Variants in SNX8 observed in about 807,000 individuals in gnomAD.
SNX8 encodes the protein sorting nexin-8.
SNX8 carries 25 observed loss-of-function variants against 51.6 expected under a neutral mutation model. That is an observed-to-expected ratio of 0.48 (90% CI 0.35 to 0.68). The LOEUF is 0.68. Ranked by LOEUF, SNX8 falls within the 30% of genes least tolerant of loss-of-function variation. The pLI is 0.00. For synonymous variants in SNX8, 324 were observed against 277.0 expected (o/e 1.17, Z -1.68); for missense variants, 695 against 624.0 (o/e 1.11, Z -1.21).
chr7:2,282,763 G>A (rs1205906056), intron 1 of SNX8, among the ~76,000 whole-genome samples: 2 of 151,882 alleles, frequency 1.3e-5, no homozygotes, highest in African/African-American at 4.8e-5. Flanking sequence ...GATCACCTAA[G>A]GTCAGGAGTT....
intron 1 of SNX8, among the ~76,000 whole-genome samples, chr7:2,278,608 G>C (rs924504003): frequency 6.8e-6 from 1 of 146,120 alleles, no homozygotes. Flanking sequence ...ACACTACGGA[G>C]TCGACGCCGG....
At position 2,253,871 on chromosome 7, in the gene SNX8, C is replaced by A. The variant is rs1253206788; in HGVS notation, c.*1185G>T. ...GTGAGCATCTGCGGAGCGGAGGGAC[C>A]TCGGAAACCCTGGAGCCCGGCGGGC... On this transcript the variant is annotated 3_prime_UTR_variant, in exon 11 of 11. Transcript: ENST00000222990. 6.6e-6 allele frequency: 1 copy of A among 152,330 alleles called. No individual in the cohort carries two copies. Among genetic ancestry groups the A allele is most frequent in the Non-Finnish European group, 1.5e-5 (1 of 68,150 alleles). 9.4% of individuals were successfully genotyped at this position (152,330 alleles called of 1,614,324 possible). A position where few individuals can be genotyped will look rare whatever the true frequency, so the allele number is the denominator to read the frequency against.
chr7:2,343,594 A>G (rs903559974), intron 1 of SNX8, among the ~76,000 whole-genome samples: 8 of 151,738 alleles, frequency 5.3e-5, no homozygotes, highest in South Asian at 4.2e-4. Context: ...AGAATGGCGT[A>G]AACCCGGGAG....
intron 1 of SNX8, among the ~76,000 whole-genome samples, chr7:2,313,718 C>T (rs1796705319): frequency 1.3e-5 from 2 of 152,028 alleles, no homozygotes; most frequent in South Asian, 4.1e-4. Context: ...AAAAAATTAC[C>T]GGGCGTAACT....
At chr7:2,352,831 G>A (rs573969179) in intron 1 of SNX8, among the ~76,000 whole-genome samples, 4 of 151,170 alleles carry the variant, frequency 2.6e-5, no homozygotes, top group East Asian at 1.9e-4. Context: ...GCAACACTCC[G>A]TCTAAATAAA....
chr7:2,282,238 A>G (rs1795923467), intron 1 of SNX8, among the ~76,000 whole-genome samples: 1 of 152,304 alleles, frequency 6.6e-6, no homozygotes, highest in African/African-American at 2.4e-5. Flanking sequence ...CCTCTCAGCA[A>G]GTTTTCGGTG....
intron 5 of SNX8, among the ~76,000 whole-genome samples, 173 bp downstream of exon 5, chr7:2,269,385 GC>G (rs1795584262): frequency 6.7e-6 from 1 of 150,178 alleles, no homozygotes; most frequent in African/African-American, 2.4e-5. Context: ...GCGGAAGGCC[GC>G]AGGGTCCTCT....
rs531973413 is a variant in SNX8, at chr7:2,282,860, G to A, written c.95-4555C>T. ...GGCATGGCCAGGCATGGTGGCTCAC[G>A]CCTGTAATCCCAGCACTTTGGCAGG... On this transcript the variant is annotated intron_variant, in intron 1 of 10. Transcript: ENST00000222990. Among the ~76,000 whole-genome samples, 69 of 152,258 alleles carry A rather than the reference G, an allele frequency of 4.5e-4. No homozygotes were observed. In the South Asian group the frequency reaches 0.013, roughly 29 times the overall value.
At chr7:2,337,771 A>G (rs903369342) in intron 1 of SNX8, among the ~76,000 whole-genome samples, 1 of 151,870 alleles carries the variant, frequency 6.6e-6, no homozygotes, top group Non-Finnish European at 1.5e-5. Context: ...TACATTAAAA[A>G]AAAAACAAGT....
intron 1 of SNX8, among the ~76,000 whole-genome samples, chr7:2,294,528 G>T (rs1383677332): frequency 6.6e-6 from 1 of 152,182 alleles, no homozygotes; most frequent in Non-Finnish European, 1.5e-5. Flanking sequence ...GAGGCCCAGC[G>T]GGTGATGACC....
chr7:2,278,229 CG>C lies in SNX8; in HGVS notation c.170del (p.Pro57ArgfsTer34). 2 of 1,611,998 alleles carry C rather than the reference CG, an allele frequency of 1.2e-6. No homozygotes were observed. The highest frequency in any genetic ancestry group is 1.7e-6 in the Non-Finnish European group (2 of 1,178,648). ...QVPAPSRMQM[P>X]QGNPLLLSHT... is the part of the protein sequence containing the mutation. ...GGGACAGCAGCAGCGGGTTCCCCTG[CG>C]GCATCTGCATTCGACTGGGGGCTGG... On this transcript the variant is annotated frameshift_variant, in exon 2 of 11. Coordinates refer to ENST00000222990, the MANE Select transcript of SNX8 (RefSeq NM_013321.4). LOFTEE classifies it high-confidence loss of function.
chr7:2,267,118 C>G (rs1338244264), intron 5 of SNX8, among the ~76,000 whole-genome samples: 2 of 152,158 alleles, frequency 1.3e-5, no homozygotes. Context: ...TTTCTCCATC[C>G]GTAAAACAGG....
intron 4 of SNX8, among the ~76,000 whole-genome samples, chr7:2,271,201 G>A (rs1218988074): frequency 6.6e-6 from 1 of 152,220 alleles, no homozygotes; most frequent in Non-Finnish European, 1.5e-5. Context: ...GCACCACCAT[G>A]CCTGGCCTCA....
intron 1 of SNX8, among the ~76,000 whole-genome samples, chr7:2,341,669 T>C (rs1337747661): frequency 6.6e-6 from 1 of 151,942 alleles, no homozygotes; most frequent in Non-Finnish European, 1.5e-5. Flanking sequence ...CAAGAGCCTA[T>C]CTCAAAAGCA....
upstream of SNX8, among the ~76,000 whole-genome samples, chr7:2,315,172 CCACT>C (rs1233077445): frequency 2.0e-5 from 3 of 150,218 alleles, no homozygotes; most frequent in Non-Finnish European, 3.0e-5. Flanking sequence ...ATTCATCCAG[CCACT>C]CACTCACTGC....
chr7:2,299,971 G>T (rs1400721898), intron 1 of SNX8, among the ~76,000 whole-genome samples: 1 of 152,094 alleles, frequency 6.6e-6, no homozygotes, highest in East Asian at 1.9e-4. Context: ...GGAAGAAGGC[G>T]CACTTCCTTC....
At chr7:2,322,288 T>G (rs991055179) in intron 1 of SNX8, among the ~76,000 whole-genome samples, 6 of 151,946 alleles carry the variant, frequency 3.9e-5, no homozygotes, top group Admixed American at 6.6e-5. Context: ...ATTGCAGTGC[T>G]TTGGGAGGCC....
intron 1 of SNX8, among the ~76,000 whole-genome samples, chr7:2,346,564 A>G (rs542639681): frequency 2.4e-4 from 37 of 151,612 alleles, no homozygotes; most frequent in East Asian, 3.9e-4. Flanking sequence ...TGGCTAACAC[A>G]GTGAAACCCC....
intron 1 of SNX8, among the ~76,000 whole-genome samples, chr7:2,331,184 CAA>C (rs71023397): frequency 5.2e-4 from 40 of 76,726 alleles, no homozygotes; most frequent in African/African-American, 2.1e-3. Flanking sequence ...GACTCTGTCT[CAA>C]AAAAAAAAAA....
Sources: gnomAD v4.1 joint callset for allele counts (sites outside exome capture counted in the v4.1 genomes callset) on GRCh38, gnomAD v4.1.1 for gene constraint, MANE v1.5 for transcripts, NCBI Gene and HGNC (gene_info 2026-07-23, HGNC 2026-07-21) for gene names.